Variants in CSMD1 observed in about 807,000 individuals in gnomAD.
The protein encoded by CSMD1 is CUB and Sushi multiple domains 1, also known as CUB and sushi domain-containing protein 1.
A neutral mutation model predicts 417.5 loss-of-function variants in CSMD1; 213 were observed. The ratio of observed to expected loss-of-function variants is 0.51; its 90% CI spans 0.46 to 0.57. CSMD1 has a LOEUF of 0.57. Among genes scored for constraint, CSMD1 ranks in the 20% least tolerant of loss-of-function variants. The probability of loss-of-function intolerance (pLI) is 0.00; values close to 1 mark genes in which losing one functional copy is unlikely to be tolerated. For synonymous variants in CSMD1, 2,862 were observed against 1,736.8 expected (o/e 1.65, Z -16.11); for missense variants, 6,923 against 4,529.7 (o/e 1.53, Z -15.17).
At chr8:4,344,406 C>G (rs1474945074) in intron 3 of CSMD1, among the ~76,000 whole-genome samples, 3 of 152,058 alleles carry the variant, frequency 2.0e-5, no homozygotes, top group East Asian at 3.9e-4. Context: ...CTACTATCTT[C>G]TGTTGAGCAA....
intron 1 of CSMD1, among the ~76,000 whole-genome samples, chr8:4,951,600 C>A (rs901680668): frequency 6.7e-6 from 1 of 150,000 alleles, no homozygotes; most frequent in African/African-American, 2.4e-5. Flanking sequence ...AAAGAAAAAC[C>A]TGCGGGGTTT....
chr8:3,272,574 T>A (rs1801947081), intron 26 of CSMD1, among the ~76,000 whole-genome samples: 1 of 137,142 alleles, frequency 7.3e-6, no homozygotes, highest in African/African-American at 2.8e-5. Context: ...CATGGAATGT[T>A]CTTCCATTTG....
At chr8:4,795,252 CTTTTTTTTTTTTTTTTTTT>C (rs571984359) in intron 1 of CSMD1, among the ~76,000 whole-genome samples, 8 of 46,228 alleles carry the variant, frequency 1.7e-4, no homozygotes, top group East Asian at 7.2e-4. Context: ...GGTGTCATAG[CTTTTTTTTTTTTTTTTTTT>C]TTTTTTTTTT....
chr8:3,167,350 G>A (rs911708914), intron 37 of CSMD1, among the ~76,000 whole-genome samples: 4 of 150,790 alleles, frequency 2.7e-5, no homozygotes, highest in Non-Finnish European at 5.9e-5. Context: ...ACTTTTAATG[G>A]CAAAAACCAC....
chr8:3,416,129 G>A (rs549354614), intron 12 of CSMD1, among the ~76,000 whole-genome samples: 10 of 151,134 alleles, frequency 6.6e-5, no homozygotes, highest in Non-Finnish European at 8.8e-5. Flanking sequence ...GTGAAACCCC[G>A]TCTCTACTAA....
intron 1 of CSMD1, among the ~76,000 whole-genome samples, chr8:4,900,982 G>A (rs1195912688): frequency 6.6e-6 from 1 of 152,174 alleles, no homozygotes; most frequent in African/African-American, 2.4e-5. Context: ...ATATTTGAAT[G>A]AATTAATGAT....
intron 9 of CSMD1, among the ~76,000 whole-genome samples, chr8:3,576,260 G>A (rs1294323590): frequency 8.2e-6 from 1 of 122,578 alleles, no homozygotes; most frequent in Non-Finnish European, 1.7e-5. Flanking sequence ...TCTCTTCCAT[G>A]CATGTCAAAA....
chr8:2,998,162 T>A lies in CSMD1; in HGVS notation c.8226A>T (p.Gly2742=). The A allele has an allele frequency of 1.2e-6, 2 of 1,613,856 alleles. No homozygotes were observed. Among genetic ancestry groups the A allele is most frequent in the Non-Finnish European group, 1.7e-6 (2 of 1,179,732 alleles). Residue 2742 remains glycine (G), a synonymous_variant, in exon 54 of 70, where the codon GGA becomes GGT. Coordinates refer to ENST00000635120, the MANE Select transcript of CSMD1 (RefSeq NM_033225.6). ...VCVPITCGHP[G]NPAHGFTNGS... ...CATTAGTGAATCCGTGGGCAGGGTT[T>A]CCAGGGTGACCACATGTGATGGCTG...
chr8:4,477,065 G>C (rs1019269999), intron 2 of CSMD1, among the ~76,000 whole-genome samples: 4 of 152,194 alleles, frequency 2.6e-5, no homozygotes, highest in Admixed American at 6.5e-5. Flanking sequence ...CCTTGCAGCT[G>C]TGTCAGGGAG....
Position 4,069,151 on chromosome 8 carries a change from G to A in CSMD1, c.416-37052C>T, listed in dbSNP as rs146046644. On this transcript the variant is annotated intron_variant, in intron 3 of 69. Coordinates refer to ENST00000635120, the MANE Select transcript of CSMD1 (RefSeq NM_033225.6). Reference sequence around the variant, plus strand: ...CTACAATATTGTTCATAGGAGACTGGTTGCAAATATATACTATGATGGGTA... The same window carrying A: ...CTACAATATTGTTCATAGGAGACTGATTGCAAATATATACTATGATGGGTA... Among the ~76,000 whole-genome samples the A allele has an allele frequency of 7.9e-3, 1,206 of 152,188 alleles. 21 individuals are homozygous for A. Among genetic ancestry groups the A allele is most frequent in the African/African-American group, 0.028 (1,145 of 41,532 alleles).
At chr8:4,976,135 A>G (rs1387047249) in intron 1 of CSMD1, among the ~76,000 whole-genome samples, 2 of 152,198 alleles carry the variant, frequency 1.3e-5, no homozygotes, top group Non-Finnish European at 2.9e-5. Flanking sequence ...ATAAGGGAAG[A>G]ACAGACACTG....
chr8:3,864,056 G>C lies in CSMD1; in HGVS notation c.819-110014C>G, dbSNP rs149194094. 5.6e-3 allele frequency among the ~76,000 whole-genome samples: 848 copies of C among 152,226 alleles called. 6 individuals carry two copies. Among genetic ancestry groups the C allele is most frequent in the Middle Eastern group, 0.017 (5 of 294 alleles). On this transcript the variant is annotated intron_variant, in intron 5 of 69. Transcript: ENST00000635120. Reference sequence around the variant, plus strand: ...AAATCTTAGTGAAGATGAATGTGAAGATGGCCCAGATAATATTTAAGTAAA... The same window carrying C: ...AAATCTTAGTGAAGATGAATGTGAACATGGCCCAGATAATATTTAAGTAAA...
intron 5 of CSMD1, among the ~76,000 whole-genome samples, chr8:3,836,597 T>A (rs868014747): frequency 6.6e-6 from 1 of 152,152 alleles, no homozygotes; most frequent in Admixed American, 6.6e-5. Flanking sequence ...CATATTTAAG[T>A]AATTTATATT....
intron 3 of CSMD1, among the ~76,000 whole-genome samples, chr8:4,355,179 G>C (rs991249935): frequency 6.6e-6 from 1 of 151,862 alleles, no homozygotes; most frequent in Non-Finnish European, 1.5e-5. Flanking sequence ...GGAGAATGGC[G>C]TGAACCTGGG....
intron 1 of CSMD1, among the ~76,000 whole-genome samples, chr8:4,722,486 C>T (rs1809122478): frequency 6.6e-6 from 1 of 152,104 alleles, no homozygotes. Context: ...CTATATCCTG[C>T]TTCCATTAGG....
chr8:3,972,102 C>A (rs1315422626), intron 5 of CSMD1, among the ~76,000 whole-genome samples: 1 of 152,084 alleles, frequency 6.6e-6, no homozygotes, highest in Admixed American at 6.6e-5. Flanking sequence ...ACTTCCTGGG[C>A]TCAAGAGATC....
chr8:4,152,335 A>G (rs1714743), intron 3 of CSMD1, among the ~76,000 whole-genome samples: 151,805 of 152,226 alleles, frequency 1, 75,696 homozygotes, highest in Non-Finnish European at 1. Flanking sequence ...ATATTTACAG[A>G]AATCAGGTAG....
Position 4,452,760 on chromosome 8 carries a change from T to A in CSMD1, c.303-32695A>T, listed in dbSNP as rs184946951. 3.3e-5 allele frequency among the ~76,000 whole-genome samples: 5 copies of A among 151,968 alleles called. No homozygotes were observed. In the East Asian group the frequency reaches 9.7e-4, roughly 30 times the overall value. ...AGGTTATTCATCTTTCAACATATCATCCAATAACACAAATCCAATAAAGTT... is the reference window on the plus strand; with the variant it reads ...AGGTTATTCATCTTTCAACATATCAACCAATAACACAAATCCAATAAAGTT... On this transcript the variant is annotated intron_variant, in intron 2 of 69. Transcript: ENST00000635120.
At chr8:3,800,691 G>C (rs1263273448) in intron 5 of CSMD1, among the ~76,000 whole-genome samples, 1 of 152,168 alleles carries the variant, frequency 6.6e-6, no homozygotes, top group African/African-American at 2.4e-5. Flanking sequence ...GGGAGTGAGT[G>C]AGTTCTTGTT....
Sources: gnomAD v4.1 joint callset for allele counts (sites outside exome capture counted in the v4.1 genomes callset) on GRCh38, gnomAD v4.1.1 for gene constraint, MANE v1.5 for transcripts, NCBI Gene and HGNC (gene_info 2026-07-23, HGNC 2026-07-21) for gene names.